NXPE4: variants seen among roughly 807,000 people sequenced by gnomAD.
The protein encoded by NXPE4 is neurexophilin and PC-esterase domain family member 4.
In NXPE4, 42 loss-of-function variants were observed where a neutral mutation model predicts 33.3. The observed-to-expected ratio is 1.26, with a 90% confidence interval of 0.98 to 1.63. The LOEUF (loss-of-function observed/expected upper bound fraction) is 1.63. Ranked by LOEUF, NXPE4 falls within the 40% of genes most tolerant of loss-of-function variation. The pLI is 0.00. For missense variants in NXPE4, 709 were observed against 647.6 expected (o/e 1.09, Z -1.03); for synonymous variants, 253 against 234.9 (o/e 1.08, Z -0.71).
At chr11:114,663,686 C>CTATT in the NXPE4 span, among the ~76,000 whole-genome samples, 1 of 146,260 alleles carries the variant, frequency 6.8e-6, no homozygotes, top group Non-Finnish European at 1.5e-5. Context: ...ATTTATCTAT[C>CTATT]TATCTATCTA....
chr11:114,669,019 T>C, the NXPE4 span, among the ~76,000 whole-genome samples: 2 of 152,036 alleles, frequency 1.3e-5, no homozygotes, highest in African/African-American at 4.8e-5. Flanking sequence ...TGAGGAATGG[T>C]AGCTTGCTGA....
At chr11:114,581,333 C>T (rs1008862574) in intron 4 of NXPE4, among the ~76,000 whole-genome samples, 3 of 152,028 alleles carry the variant, frequency 2.0e-5, no homozygotes, top group Admixed American at 1.3e-4. Context: ...ACTCAGATGG[C>T]AGGTTGGAAA....
At chr11:114,637,449 T>G in the NXPE4 span, among the ~76,000 whole-genome samples, 1 of 151,954 alleles carries the variant, frequency 6.6e-6, no homozygotes, top group African/African-American at 2.4e-5. Flanking sequence ...AATTGGAGCA[T>G]TTAGTCCATT....
chr11:114,611,296 C>G, the NXPE4 span, among the ~76,000 whole-genome samples: 1 of 151,330 alleles, frequency 6.6e-6, no homozygotes, highest in Non-Finnish European at 1.5e-5. Context: ...TAAGTGTTGC[C>G]TCATGGGTAA....
At chr11:114,611,808 A>T in the NXPE4 span, among the ~76,000 whole-genome samples, 78,597 of 149,666 alleles carry the variant, frequency 0.53, 21,223 homozygotes, top group African/African-American at 0.66. Flanking sequence ...GCCTCTTGGG[A>T]AACCACTGTT....
chr11:114,648,089 T>C, the NXPE4 span, among the ~76,000 whole-genome samples: 1 of 152,180 alleles, frequency 6.6e-6, no homozygotes, highest in Non-Finnish European at 1.5e-5. Flanking sequence ...CCCTGGTTCC[T>C]GAGACAGAGC....
the NXPE4 span, among the ~76,000 whole-genome samples, chr11:114,640,962 T>C: frequency 6.6e-6 from 1 of 151,972 alleles, no homozygotes; most frequent in Non-Finnish European, 1.5e-5. Context: ...GTAGAACACA[T>C]AGAGCAAGAA....
At chr11:114,620,239 A>G in the NXPE4 span, among the ~76,000 whole-genome samples, 1 of 152,020 alleles carries the variant, frequency 6.6e-6, no homozygotes, top group Admixed American at 6.6e-5. Context: ...TATCCGTTGG[A>G]TAATAATTAT....
chr11:114,630,308 C>A, the NXPE4 span, among the ~76,000 whole-genome samples: 1 of 151,782 alleles, frequency 6.6e-6, no homozygotes, highest in South Asian at 2.1e-4. Flanking sequence ...CAGCATGGTA[C>A]TGGTACCAAA....
chr11:114,632,372 A>G, the NXPE4 span, among the ~76,000 whole-genome samples: 1 of 134,284 alleles, frequency 7.4e-6, no homozygotes, highest in East Asian at 2.0e-4. Flanking sequence ...TATATTACAT[A>G]TAGTTATATA....
Position 114,570,896 on chromosome 11 carries a change from AT to A in NXPE4, c.*41del. 1 of 1,429,204 alleles carries A rather than the reference AT, an allele frequency of 7.0e-7. No individual in the cohort carries two copies. Among genetic ancestry groups the A allele is most frequent in the Non-Finnish European group, 9.5e-7 (1 of 1,056,592 alleles). The allele number at this position is 1,429,204 out of a possible 1,614,324, so 88.5% of individuals were successfully genotyped here. A position where few individuals can be genotyped will look rare whatever the true frequency, so the allele number is the denominator to read the frequency against. ...TGGCCTGCTAGTAGACAGTCAATAA[AT>A]TTTTTTACTTAAGTGAATGAATTTC... On this transcript the variant is annotated 3_prime_UTR_variant, in exon 6 of 6. Transcript: ENST00000375478.
intron 5 of NXPE4, among the ~76,000 whole-genome samples, chr11:114,578,521 A>T (rs2135208711): frequency 6.6e-6 from 1 of 152,272 alleles, no homozygotes; most frequent in East Asian, 1.9e-4. Flanking sequence ...CAGAGATCAC[A>T]ATTTAAAGCT....
At position 114,586,961 on chromosome 11, in the gene NXPE4, C is replaced by A. The variant is rs1195486940; in HGVS notation, c.97-3940G>T. ...AGGCACAGAGGTCCTCCTTCCCTCC[C>A]CACACCCCCTGTGAACATCTCTCTC... On this transcript the variant is annotated intron_variant, in intron 2 of 5. Coordinates refer to ENST00000375478, the MANE Select transcript of NXPE4 (RefSeq NM_001077639.2). 2.0e-5 allele frequency among the ~76,000 whole-genome samples: 3 copies of A among 152,108 alleles called. No individual in the cohort carries two copies. The South Asian group carries it at 6.2e-4, about 32-fold the overall frequency.
intron 5 of NXPE4, among the ~76,000 whole-genome samples, chr11:114,579,719 A>G (rs1353657012): frequency 6.6e-6 from 1 of 152,236 alleles, no homozygotes; most frequent in Non-Finnish European, 1.5e-5. Flanking sequence ...ATGGTTATGT[A>G]ACTTGTTCAA....
chr11:114,640,775 G>A, the NXPE4 span, among the ~76,000 whole-genome samples: 1 of 151,892 alleles, frequency 6.6e-6, no homozygotes, highest in Non-Finnish European at 1.5e-5. Context: ...GTGTGTCCAT[G>A]TAATTTACTC....
the NXPE4 span, among the ~76,000 whole-genome samples, chr11:114,635,853 T>A: frequency 6.6e-6 from 1 of 152,126 alleles, no homozygotes; most frequent in Non-Finnish European, 1.5e-5. Flanking sequence ...GATGTGTTGC[T>A]GTATTCGGTT....
chr11:114,630,945 AG>A, the NXPE4 span, among the ~76,000 whole-genome samples: 173 of 151,510 alleles, frequency 1.1e-3, no homozygotes, highest in African/African-American at 4.0e-3. Context: ...ACTGGCCATC[AG>A]AGAAATGCAA....
the NXPE4 span, among the ~76,000 whole-genome samples, chr11:114,605,337 T>C: frequency 3.9e-5 from 6 of 151,950 alleles, no homozygotes; most frequent in Non-Finnish European, 1.5e-5. Context: ...TAATAAGTAT[T>C]GCCTCGTGGG....
chr11:114,583,090 G>T, intron 2 of NXPE4, 69 bp from the exon 3 acceptor site: 1 of 1,477,272 alleles, frequency 6.8e-7, no homozygotes, highest in Non-Finnish European at 9.1e-7. Context: ...ATGACAGGAA[G>T]TGTAACATGC....
Sources: gnomAD v4.1 joint callset for allele counts (sites outside exome capture counted in the v4.1 genomes callset) on GRCh38, gnomAD v4.1.1 for gene constraint, MANE v1.5 for transcripts, NCBI Gene and HGNC (gene_info 2026-07-23, HGNC 2026-07-21) for gene names.